The following STAP2 variants were observed in gnomAD, a reference collection of about 807,000 sequenced individuals.
STAP2 encodes the protein signal transducing adaptor family member 2.
Under a neutral mutation model 52.7 loss-of-function variants are expected in STAP2, and 58 were observed. That is an observed-to-expected ratio of 1.10 (90% CI 0.89 to 1.37). STAP2 has a LOEUF of 1.37. STAP2 is among the 40% of genes most tolerant of loss of function. The pLI, the probability that STAP2 is intolerant of heterozygous loss-of-function variation, is 0.00. For synonymous variants in STAP2, 231 were observed against 210.5 expected, an observed-to-expected ratio of 1.10 and a Z score of -0.84; for missense variants, 522 against 519.4, an observed-to-expected ratio of 1.00 and a Z score of -0.05.
chr19:4,325,263 G>A lies in STAP2; in HGVS notation c.1025C>T (p.Pro342Leu). 8 of 1,611,782 alleles carry A rather than the reference G, an allele frequency of 5.0e-6. No individual in the cohort carries two copies. Among genetic ancestry groups the A allele is most frequent in the Non-Finnish European group, 6.8e-6 (8 of 1,178,968 alleles). Reference protein sequence around the residue: ...WPVILKPKKLPKPPAKLPKPP... With the variant: ...WPVILKPKKLLKPPAKLPKPP... ...CTTTGGAAGCTTGGCAGGAGGCTTT[G>A]GCAACTTCTTTGGCTTCAGGATGAC... is the stretch of plus-strand genomic sequence containing the variant. Residue 342 changes from proline to leucine, a missense_variant, in exon 11 of 13, where the codon CCA becomes CTA. By Grantham distance (98) the Pro-to-Leu change is moderately conservative. Transcript: ENST00000594605.
rs1971810448 is a variant in STAP2, at chr19:4,327,321, G to C, written c.655C>G (p.Gln219Glu). 5 of 1,614,038 alleles carry C rather than the reference G, an allele frequency of 3.1e-6. No individual in the cohort carries two copies. The highest frequency in any genetic ancestry group is 4.2e-6 in the Non-Finnish European group (5 of 1,180,010). Residue 219 changes from glutamine (Q) to glutamate (E), a missense_variant, in exon 7 of 13, where the codon CAG becomes GAG. By Grantham distance (29) the Gln-to-Glu change is conservative. Coordinates refer to ENST00000594605, the MANE Select transcript of STAP2 (RefSeq NM_001013841.2). ...GACTCTGGCCCAACGCTCACCGGCTGTTCCACATCGATCACGTACTTGGGG... is the reference window on the plus strand; with the variant it reads ...GACTCTGGCCCAACGCTCACCGGCTCTTCCACATCGATCACGTACTTGGGG... ...EGPKYVIDVE[Q>E]PFSCTSLDAV...
Position 4,330,020 on chromosome 19 carries a change from T to G in STAP2, c.396A>C (p.Leu132=), listed in dbSNP as rs1328003724. 1.2e-6 allele frequency: 2 copies of G among 1,613,406 alleles called. No individual in the cohort carries two copies. Among genetic ancestry groups the G allele is most frequent in the East Asian group, 2.2e-5 (1 of 44,862 alleles). The change falls in exon 5 of 13, where the codon CTA becomes CTC. Residue 132 remains leucine, a synonymous_variant. Transcript: ENST00000594605. The stretch of plus-strand genomic sequence containing the variant: ...TGGCCAAGACTTCAGACATCATGTA[T>G]AGGTGCCCAGGAAGCAGGGTCAAGT... The part of the protein sequence containing the change: ...PTDLTLLPGH[L]YMMSEVLAKE...
intron 11 of STAP2, 131 bp from the exon 12 acceptor site, chr19:4,324,660 C>A: frequency 1.2e-6 from 1 of 858,940 alleles, no homozygotes; most frequent in South Asian, 1.6e-5. Flanking sequence ...GGTGAAACCC[C>A]TTCTCTACTA....
intron 1 of STAP2, among the ~76,000 whole-genome samples, chr19:4,334,822 C>CATCT (rs56718389): frequency 0.012 from 33 of 2,752 alleles, 2 homozygotes; most frequent in Non-Finnish European, 0.042. Flanking sequence ...TCCATCCACT[C>CATCT]ATCCATCCAC....
intron 8 of STAP2, 51 bp downstream of exon 8, chr19:4,327,073 G>T (rs1238404233): frequency 1.2e-6 from 2 of 1,609,654 alleles, no homozygotes; most frequent in African/African-American, 2.7e-5. Flanking sequence ...GTCCGAGCGG[G>T]GGCGGGAGAG....
intron 9 of STAP2, 67 bp from the exon 10 acceptor site, chr19:4,325,612 G>A: frequency 6.7e-7 from 1 of 1,500,484 alleles, no homozygotes; most frequent in Non-Finnish European, 8.9e-7. Flanking sequence ...GTTGGCGGGG[G>A]GGTCTGTGTG....
intron 4 of STAP2, 50 bp downstream of exon 4, chr19:4,331,972 G>A (rs781318831): frequency 1.3e-6 from 2 of 1,555,620 alleles, no homozygotes; most frequent in South Asian, 2.3e-5. Flanking sequence ...GAGGCTTTTT[G>A]AGGAGATCTG....
Position 4,325,232 on chromosome 19 carries a change from G to C in STAP2, c.1056C>G (p.Pro352=). The part of the protein sequence containing the change: ...PKPPAKLPKP[P]VGPKPEPKVF... ...GACCCCAACCTGGCTTGGGTCCAAC[G>C]GGTGGCTTTGGAAGCTTGGCAGGAG... Residue 352 remains proline, a synonymous_variant, in exon 11 of 13, where the codon CCC becomes CCG. Coordinates refer to ENST00000594605, the MANE Select transcript of STAP2 (RefSeq NM_001013841.2). The C allele has an allele frequency of 6.3e-7, 1 of 1,595,414 alleles. No homozygotes were observed. The highest frequency in any genetic ancestry group is 8.5e-7 in the Non-Finnish European group (1 of 1,171,022).
rs1186690061 is a variant in STAP2, at chr19:4,324,454, C to T, written c.1147+1G>A. The T allele has an allele frequency of 1.9e-5, 30 of 1,564,692 alleles. No homozygotes were observed. The highest frequency in any genetic ancestry group is 2.6e-5 in the Non-Finnish European group (30 of 1,152,058). ...CCGCACTGACCCCGCAGACCCCTTA[C>T]CGGCTGTGGGGAAGAGAGGCTGGGC... On this transcript the variant is annotated splice_donor_variant, in intron 12 of 12. Transcript: ENST00000594605. LOFTEE classifies it high-confidence loss of function.
intron 3 of STAP2, 114 bp from the exon 4 acceptor site, chr19:4,332,192 TCTTC>T (rs374431481): frequency 9.0e-6 from 5 of 552,654 alleles, no homozygotes; most frequent in South Asian, 2.7e-5. Context: ...TTTTTCTTTT[TCTTC>T]TTTTTTTTTT....
intron 2 of STAP2, 41 bp from the exon 3 acceptor site, chr19:4,333,857 G>C (rs1357570094): frequency 1.2e-6 from 2 of 1,613,214 alleles, no homozygotes; most frequent in Admixed American, 3.3e-5. Context: ...CCAGTTCCTT[G>C]GCCTCCAGGC....
rs143814786 is a variant in STAP2 at position 4,331,213 on chromosome 19, C to G, written c.354+809G>C. Among the ~76,000 whole-genome samples, 764 of 151,490 alleles carry G rather than the reference C, an allele frequency of 5.0e-3. 4 individuals are homozygous for G. The highest frequency in any genetic ancestry group is 0.018 in the African/African-American group (742 of 41,320). On this transcript the variant is annotated intron_variant, in intron 4 of 12. Transcript: ENST00000594605. ...GATGTGGTAGTGTGTGTCTGTATCC[C>G]AGCTACTTGGGAGGCTGAGGCAGGA...
intron 12 of STAP2, 118 bp from the exon 13 acceptor site, chr19:4,324,315 G>A: frequency 7.7e-7 from 1 of 1,297,172 alleles, no homozygotes; most frequent in South Asian, 1.3e-5. Flanking sequence ...ACAGGACAGT[G>A]TGCTCGAAGG....
Position 4,327,188 on chromosome 19 carries a change from G to A in STAP2, c.699C>T (p.Phe233=), listed in dbSNP as rs756587833. 4.3e-6 allele frequency: 7 copies of A among 1,614,186 alleles called. No homozygotes were observed. The highest frequency in any genetic ancestry group is 5.9e-6 in the Non-Finnish European group (7 of 1,180,026). The change falls in exon 8 of 13, where the codon TTC becomes TTT. Residue 233 remains phenylalanine (F), a synonymous_variant. Transcript: ENST00000594605. ...CCAGCGCCTTTTTGGTATGCGACAC[G>A]AAATAGTTGACCACGGCGTCCAGGG... ...CTSLDAVVNY[F]VSHTKKALVP... is the part of the protein sequence containing the mutation.
At chr19:4,337,115 G>A (rs1276948780) in intron 1 of STAP2, among the ~76,000 whole-genome samples, 1 of 151,968 alleles carries the variant, frequency 6.6e-6, no homozygotes, top group East Asian at 2.0e-4. Context: ...ATCTGTATTA[G>A]AAAATGAGGC....
intron 5 of STAP2, among the ~76,000 whole-genome samples, chr19:4,329,214 C>G (rs1971847779): frequency 6.6e-6 from 1 of 152,024 alleles, no homozygotes; most frequent in Non-Finnish European, 1.5e-5. Context: ...ATCCGCCCGC[C>G]TCGGCTTCCC....
At chr19:4,326,250 G>A (rs1342668908) in intron 9 of STAP2, among the ~76,000 whole-genome samples, 1 of 152,216 alleles carries the variant, frequency 6.6e-6, no homozygotes, top group East Asian at 1.9e-4. Context: ...ATTTGTATGT[G>A]ACTGGAATTG....
At chr19:4,330,807 CG>C (rs1292959642) in intron 4 of STAP2, among the ~76,000 whole-genome samples, 1 of 150,368 alleles carries the variant, frequency 6.7e-6, no homozygotes, top group Non-Finnish European at 1.5e-5. Flanking sequence ...CTCCGACTCC[CG>C]GGTTCAAGCC....
chr19:4,328,763 G>C lies in STAP2; in HGVS notation c.502C>G (p.Arg168Gly). 6.2e-7 allele frequency: 1 copy of C among 1,610,740 alleles called. No individual in the cohort carries two copies. The highest frequency in any genetic ancestry group is 8.5e-7 in the Non-Finnish European group (1 of 1,179,112). Residue 168 changes from arginine (R) to glycine (G), a missense_variant, in exon 6 of 13, where the codon CGC becomes GGC. Arg to Gly is a moderately radical substitution (Grantham distance 125). Transcript: ENST00000594605. ...AGCAGGTTCCCGCACTCGGGGTAGC[G>C]CTCCAGGAGCAGTTGTGCCTCCAGC... Reference protein sequence around the residue: ...SRLEAQLLLERYPECGNLLLR... With the variant: ...SRLEAQLLLEGYPECGNLLLR...
Sources: gnomAD v4.1 joint callset for allele counts (sites outside exome capture counted in the v4.1 genomes callset) on GRCh38, gnomAD v4.1.1 for gene constraint, MANE v1.5 for transcripts, NCBI Gene and HGNC (gene_info 2026-07-23, HGNC 2026-07-21) for gene names.